The following AKR1C8 variants were observed in gnomAD, a reference collection of about 807,000 sequenced individuals.
The protein encoded by AKR1C8 is aldo-keto reductase family 1 member C8.
the AKR1C8 span, among the ~76,000 whole-genome samples, chr10:5,158,990 C>T: frequency 1.8e-4 from 28 of 152,044 alleles, no homozygotes; most frequent in Non-Finnish European, 4.0e-4. Flanking sequence ...CTGAAAGAAA[C>T]CAAGATTCCT....
the AKR1C8 span, among the ~76,000 whole-genome samples, chr10:5,134,012 T>C: frequency 2.8e-4 from 42 of 152,348 alleles, no homozygotes; most frequent in African/African-American, 9.6e-4. Context: ...TATTGATTTA[T>C]CTACCAAATT....
the AKR1C8 span, among the ~76,000 whole-genome samples, chr10:5,151,350 A>G: frequency 1.3e-5 from 2 of 152,134 alleles, no homozygotes; most frequent in African/African-American, 4.8e-5. Context: ...CAGGCAGGAA[A>G]GGGTTTGTTT....
At chr10:5,168,820 A>T in the AKR1C8 span, among the ~76,000 whole-genome samples, 1 of 152,172 alleles carries the variant, frequency 6.6e-6, no homozygotes, top group Admixed American at 6.5e-5. Context: ...AGTTCTAGTG[A>T]TCCCATAGAG....
the AKR1C8 span, among the ~76,000 whole-genome samples, chr10:5,151,557 G>GTTTTT: frequency 9.0e-5 from 12 of 132,660 alleles, no homozygotes; most frequent in Admixed American, 1.6e-4. Context: ...TTCCCTTTGG[G>GTTTTT]TTTTTTTTTT....
chr10:5,179,388 C>T, the AKR1C8 span, among the ~76,000 whole-genome samples: 1 of 152,154 alleles, frequency 6.6e-6, no homozygotes, highest in African/African-American at 2.4e-5. Flanking sequence ...GTAACCCGAC[C>T]TTTCTCTCTG....
chr10:5,180,088 T>TC, the AKR1C8 span, among the ~76,000 whole-genome samples: 1 of 152,190 alleles, frequency 6.6e-6, no homozygotes, highest in South Asian at 2.1e-4. Context: ...CTCTGTTTTT[T>TC]CCCCATCTTT....
chr10:5,142,894 G>A, the AKR1C8 span, among the ~76,000 whole-genome samples: 3 of 152,052 alleles, frequency 2.0e-5, no homozygotes, highest in Non-Finnish European at 2.9e-5. Flanking sequence ...ATGCAGGGTT[G>A]CTACAAATGT....
the AKR1C8 span, among the ~76,000 whole-genome samples, chr10:5,130,930 C>G: frequency 6.6e-6 from 1 of 151,878 alleles, no homozygotes; most frequent in African/African-American, 2.4e-5. Flanking sequence ...CAGTACATTA[C>G]CAGACTTTGA....
At chr10:5,166,348 A>C in the AKR1C8 span, among the ~76,000 whole-genome samples, 1 of 152,110 alleles carries the variant, frequency 6.6e-6, no homozygotes, top group Non-Finnish European at 1.5e-5. Context: ...TAAGCCAAAA[A>C]AACAAAGCTG....
At chr10:5,148,034 CT>C in the AKR1C8 span, among the ~76,000 whole-genome samples, 12 of 152,128 alleles carry the variant, frequency 7.9e-5, no homozygotes, top group African/African-American at 1.9e-4. Flanking sequence ...AACTCCCCTC[CT>C]TTTTTTGTAT....
the AKR1C8 span, among the ~76,000 whole-genome samples, chr10:5,130,453 G>A: frequency 2.6e-5 from 4 of 151,886 alleles, no homozygotes; most frequent in South Asian, 4.2e-4. Flanking sequence ...AAGTAAGAAA[G>A]GGCATTGAAA....
At chr10:5,117,755 TGAGAGAGGAAAGC>T in the AKR1C8 span, among the ~76,000 whole-genome samples, 46 of 151,656 alleles carry the variant, frequency 3.0e-4, no homozygotes, top group African/African-American at 1.1e-3. Context: ...GTTCACAGAG[TGAGAGAGGAAAGC>T]AAGAGAGGAA....
At chr10:5,174,935 A>T in the AKR1C8 span, among the ~76,000 whole-genome samples, 1 of 152,138 alleles carries the variant, frequency 6.6e-6, no homozygotes, top group Non-Finnish European at 1.5e-5. Context: ...TTTTTTCATA[A>T]ATCGAACATT....
At chr10:5,177,441 T>C in the AKR1C8 span, among the ~76,000 whole-genome samples, 1 of 152,186 alleles carries the variant, frequency 6.6e-6, no homozygotes, top group African/African-American at 2.4e-5. Context: ...TAAAATTCTC[T>C]TTTTTTGTTG....
At chr10:5,122,056 T>C in the AKR1C8 span, 1 of 219,022 alleles carries the variant, frequency 4.6e-6, no homozygotes, top group South Asian at 3.9e-5. Context: ...CTGCAGAAAA[T>C]GGTCTGTGAA....
chr10:5,169,206 A>G, the AKR1C8 span, among the ~76,000 whole-genome samples: 1 of 152,200 alleles, frequency 6.6e-6, no homozygotes, highest in South Asian at 2.1e-4. Flanking sequence ...CTTGAAATGC[A>G]TGAGGCTAGA....
chr10:5,182,912 A>G, the AKR1C8 span, among the ~76,000 whole-genome samples: 1 of 152,192 alleles, frequency 6.6e-6, no homozygotes, highest in Non-Finnish European at 1.5e-5. Context: ...CTGTCTCAAA[A>G]AAAAAAAAAA....
the AKR1C8 span, among the ~76,000 whole-genome samples, chr10:5,182,475 A>G: frequency 5.3e-5 from 8 of 152,196 alleles, no homozygotes; most frequent in African/African-American, 1.4e-4. Context: ...GGGACCTCAA[A>G]AAGAGAAAAA....
chr10:5,161,758 AG>A, the AKR1C8 span: 2 of 534,770 alleles, frequency 3.7e-6, no homozygotes, highest in Non-Finnish European at 7.7e-6. Context: ...TGCCTCTCTC[AG>A]GAAGAACCCT....
Sources: gnomAD v4.1 joint callset for allele counts (sites outside exome capture counted in the v4.1 genomes callset) on GRCh38, gnomAD v4.1.1 for gene constraint, MANE v1.5 for transcripts, NCBI Gene and HGNC (gene_info 2026-07-23, HGNC 2026-07-21) for gene names.